Variants in PRSS38 observed in about 807,000 individuals in gnomAD.
The protein encoded by PRSS38 is marapsin 2.
A neutral mutation model predicts 26.8 loss-of-function variants in PRSS38; 22 were observed. The observed-to-expected ratio is 0.82, with a 90% CI of 0.59 to 1.17. The LOEUF (loss-of-function observed/expected upper bound fraction) is 1.17, where lower values mean the gene tolerates loss of function less well. Ranked by LOEUF, PRSS38 falls within the 50% of genes most tolerant of loss-of-function variation. The probability of loss-of-function intolerance (pLI) is 0.00; values close to 1 mark genes in which losing one functional copy is unlikely to be tolerated. For synonymous variants in PRSS38, 175 were observed against 172.1 expected (o/e 1.02, Z -0.13); for missense variants, 427 against 422.7 (o/e 1.01, Z -0.09).
intron 3 of PRSS38, among the ~76,000 whole-genome samples, chr1:227,840,782 G>A (rs926573640): frequency 3.9e-5 from 6 of 152,080 alleles, no homozygotes; most frequent in East Asian, 1.9e-4. Context: ...CTTGGCTTTC[G>A]TCATTCAGCC....
At chr1:227,837,206 A>T (rs1665250323) in intron 3 of PRSS38, among the ~76,000 whole-genome samples, 1 of 152,204 alleles carries the variant, frequency 6.6e-6, no homozygotes, top group South Asian at 2.1e-4. Flanking sequence ...ACCCTCCAAG[A>T]TAAAGGACAT....
intron 3 of PRSS38, among the ~76,000 whole-genome samples, chr1:227,822,426 G>A (rs1333548685): frequency 6.6e-6 from 1 of 151,908 alleles, no homozygotes; most frequent in Admixed American, 6.6e-5. Flanking sequence ...GGAGTGTTGA[G>A]TTTTATACTT....
chr1:227,822,144 ATT>A (rs1665012303), intron 3 of PRSS38, among the ~76,000 whole-genome samples: 1 of 152,052 alleles, frequency 6.6e-6, no homozygotes, highest in Admixed American at 6.6e-5. Flanking sequence ...TTTCATTTCC[ATT>A]ATTTGCCATT....
chr1:227,835,540 T>A (rs1053809277), intron 3 of PRSS38, among the ~76,000 whole-genome samples: 6 of 152,230 alleles, frequency 3.9e-5, no homozygotes, highest in Non-Finnish European at 8.8e-5. Context: ...GCAGCACTAT[T>A]CACGTAGCCA....
chr1:227,838,931 TGCCTTG>T (rs1665276411), intron 3 of PRSS38, among the ~76,000 whole-genome samples: 1 of 152,180 alleles, frequency 6.6e-6, no homozygotes, highest in Non-Finnish European at 1.5e-5. Flanking sequence ...GTGATCCACC[TGCCTTG>T]GCCTCCCAAA....
At chr1:227,833,321 AG>A (rs2102680878) in intron 3 of PRSS38, among the ~76,000 whole-genome samples, 1 of 152,334 alleles carries the variant, frequency 6.6e-6, no homozygotes, top group Non-Finnish European at 1.5e-5. Flanking sequence ...TGAGGTCAGG[AG>A]TTTGAAACCA....
chr1:227,830,861 T>A (rs1665144813), intron 3 of PRSS38, among the ~76,000 whole-genome samples: 1 of 152,124 alleles, frequency 6.6e-6, no homozygotes, highest in Admixed American at 6.5e-5. Context: ...TCATTTATTT[T>A]AATTTCTAAA....
intron 1 of PRSS38, 34 bp downstream of exon 1, chr1:227,815,898 G>A: frequency 1.3e-6 from 2 of 1,574,374 alleles, no homozygotes; most frequent in South Asian, 1.2e-5. Context: ...TGGGCGGCTG[G>A]AGACAGTGCC....
At chr1:227,817,265 C>A (rs61826983) in exon 3 of PRSS38, 47,395 of 1,614,050 alleles carry the variant, frequency 0.029, 836 homozygotes, top group Non-Finnish European at 0.034. Flanking sequence ...CTCAGGGTGG[C>A]CGGCAACCAC....
At chr1:227,815,724 C>A in exon 1 of PRSS38, 1 of 1,588,860 alleles carries the variant, frequency 6.3e-7, no homozygotes, top group Admixed American at 1.7e-5. Flanking sequence ...CTCATGGCTG[C>A]CCCTGCTTCC....
exon 1 of PRSS38, chr1:227,815,754 C>T: frequency 6.2e-7 from 1 of 1,608,302 alleles, no homozygotes; most frequent in Non-Finnish European, 8.5e-7. Context: ...CCACTCGGGC[C>T]CTCTGCCCTG....
In PRSS38 at chr1:227,816,265, C is replaced by T. The variant is rs527601019; in HGVS notation, c.311+13C>T. 22 of 1,606,014 alleles carry T rather than the reference C, an allele frequency of 1.4e-5. No homozygotes were observed. Among genetic ancestry groups the T allele is most frequent in the South Asian group, 6.6e-5 (6 of 90,646 alleles). On this transcript the variant is annotated intron_variant, in intron 2 of 4. Transcript: ENST00000366757. The surrounding 1 kb of genome is among the most constrained non-coding windows in gnomAD (Gnocchi z 5.1). Reference sequence around the variant, plus strand: ...ACTGCTTTCACAGGTAAGCGGGCGCCGGCCTGGGATGGTGTGGGTAGCTGG... The same window carrying T: ...ACTGCTTTCACAGGTAAGCGGGCGCTGGCCTGGGATGGTGTGGGTAGCTGG...
At chr1:227,842,667 G>A (rs1558238149) in intron 3 of PRSS38, among the ~76,000 whole-genome samples, 1 of 151,396 alleles carries the variant, frequency 6.6e-6, no homozygotes, top group Admixed American at 6.6e-5. Flanking sequence ...CGCAACCTCC[G>A]CCTTCTGGGT....
At chr1:227,836,145 C>T (rs1373365444) in intron 3 of PRSS38, among the ~76,000 whole-genome samples, 1 of 151,752 alleles carries the variant, frequency 6.6e-6, no homozygotes, top group Non-Finnish European at 1.5e-5. Flanking sequence ...GTTGCCCAGA[C>T]TGGAGTGCAG....
At chr1:227,841,145 T>C (rs1187280919) in intron 3 of PRSS38, among the ~76,000 whole-genome samples, 2 of 152,252 alleles carry the variant, frequency 1.3e-5, no homozygotes, top group African/African-American at 4.8e-5. Context: ...TGATGTAACC[T>C]GTGGGTTCTT....
At chr1:227,817,264 G>A (rs1259753369) in exon 3 of PRSS38, 2 of 1,614,140 alleles carry the variant, frequency 1.2e-6, no homozygotes, top group South Asian at 1.1e-5. Flanking sequence ...CCTCAGGGTG[G>A]CCGGCAACCA....
At position 227,816,433 on chromosome 1, in the gene PRSS38, C is replaced by A. The variant is rs1157445709; in HGVS notation, c.311+181C>A. On this transcript the variant is annotated intron_variant, in intron 2 of 4. Coordinates refer to ENST00000366757, the Ensembl canonical transcript of PRSS38. This position sits in a 1 kb window ranked among gnomAD's most constrained non-coding sequence, Gnocchi z 5.1. Reference sequence around the variant, plus strand: ...CTGGTCCCCAAACACACAGCTGGGTCCCCATTCTTGAGGCTGGTCCCCCAA... The same window carrying A: ...CTGGTCCCCAAACACACAGCTGGGTACCCATTCTTGAGGCTGGTCCCCCAA... 3.9e-5 allele frequency among the ~76,000 whole-genome samples: 6 copies of A among 151,930 alleles called. No homozygotes were observed. The highest frequency in any genetic ancestry group is 1.2e-4 in the African/African-American group (5 of 41,340).
At chr1:227,829,550 T>C (rs1665122097) in intron 3 of PRSS38, among the ~76,000 whole-genome samples, 1 of 152,342 alleles carries the variant, frequency 6.6e-6, no homozygotes, top group African/African-American at 2.4e-5. Flanking sequence ...ACTTTTATTG[T>C]ACATATGTTT....
chr1:227,833,423 A>G (rs1665185671), intron 3 of PRSS38, among the ~76,000 whole-genome samples: 1 of 151,906 alleles, frequency 6.6e-6, no homozygotes, highest in African/African-American at 2.4e-5. Flanking sequence ...GCTACTTGGG[A>G]GGTTGAGGCG....
Sources: gnomAD v4.1 joint callset for allele counts (sites outside exome capture counted in the v4.1 genomes callset) on GRCh38, gnomAD v4.1.1 for gene constraint, Gnocchi (gnomAD v3.1) non-coding constraint, MANE v1.5 for transcripts, NCBI Gene and HGNC (gene_info 2026-07-23, HGNC 2026-07-21) for gene names.